The following CEP70 variants were observed in gnomAD, a reference collection of about 807,000 sequenced individuals.
CEP70 encodes centrosomal protein of 70 kDa.
A neutral mutation model predicts 90.9 loss-of-function variants in CEP70; 70 were observed. The ratio of observed to expected loss-of-function variants is 0.77; its 90% CI spans 0.64 to 0.94. The LOEUF is 0.94. CEP70 is among the 40% of genes least tolerant of loss of function. The pLI, the probability that CEP70 is intolerant of heterozygous loss-of-function variation, is 0.00. For synonymous variants in CEP70, 220 were observed against 228.3 expected, an observed-to-expected ratio of 0.96 and a Z score of 0.33; for missense variants, 648 against 669.0, an observed-to-expected ratio of 0.97 and a Z score of 0.35.
At position 138,522,109 on chromosome 3, in the gene CEP70, T is replaced by C. The variant is rs2036715430; in HGVS notation, c.944+3381A>G. Among the ~76,000 whole-genome samples, 5 of 152,062 alleles carry C rather than the reference T, an allele frequency of 3.3e-5. No individual in the cohort carries two copies. In the South Asian group the frequency reaches 1.0e-3, roughly 32 times the overall value. On this transcript the variant is annotated intron_variant, in intron 11 of 17. Transcript: ENST00000264982. Reference sequence around the variant, plus strand: ...CATGCTCCTTAAGAGTCATCACCACTTCCTAATTTCAAGTACCCATGGACG... The same window carrying C: ...CATGCTCCTTAAGAGTCATCACCACCTCCTAATTTCAAGTACCCATGGACG...
intron 3 of CEP70, among the ~76,000 whole-genome samples, chr3:138,572,217 ACT>A (rs1237721187): frequency 6.6e-6 from 1 of 152,186 alleles, no homozygotes; most frequent in African/African-American, 2.4e-5. Flanking sequence ...TGGATAACTG[ACT>A]CTAACAGAAT....
intron 2 of CEP70, among the ~76,000 whole-genome samples, chr3:138,590,038 A>G (rs1241835575): frequency 6.6e-6 from 1 of 152,138 alleles, no homozygotes; most frequent in Non-Finnish European, 1.5e-5. Context: ...AAAGCAGAAC[A>G]TGAAATGGCT....
chr3:138,543,928 AG>A (rs2038962402), intron 6 of CEP70, among the ~76,000 whole-genome samples: 1 of 152,224 alleles, frequency 6.6e-6, no homozygotes, highest in Non-Finnish European at 1.5e-5. Context: ...ATGGAGTAAA[AG>A]TGTAGAATGT....
chr3:138,580,284 G>A (rs1047564348), intron 2 of CEP70, among the ~76,000 whole-genome samples: 2 of 152,146 alleles, frequency 1.3e-5, no homozygotes, highest in African/African-American at 4.8e-5. Context: ...AGGGATGCCT[G>A]TGTCACCCCT....
intron 6 of CEP70, among the ~76,000 whole-genome samples, chr3:138,539,178 A>G (rs1273781238): frequency 6.6e-6 from 1 of 152,020 alleles, no homozygotes. Context: ...GCGTACCATC[A>G]CACCTGGATA....
chr3:138,515,173 AG>A (rs1246896084), intron 11 of CEP70, among the ~76,000 whole-genome samples: 1 of 152,172 alleles, frequency 6.6e-6, no homozygotes, highest in Non-Finnish European at 1.5e-5. Flanking sequence ...GAGGAAATAC[AG>A]GGTCAGGGTC....
intron 11 of CEP70, among the ~76,000 whole-genome samples, chr3:138,520,829 T>C (rs1374221600): frequency 6.6e-6 from 1 of 152,036 alleles, no homozygotes; most frequent in Non-Finnish European, 1.5e-5. Context: ...CTCGTCTCCG[T>C]CTCCCACTTG....
At chr3:138,517,075 A>G (rs1458802942) in intron 11 of CEP70, among the ~76,000 whole-genome samples, 1 of 152,244 alleles carries the variant, frequency 6.6e-6, no homozygotes, top group Non-Finnish European at 1.5e-5. Flanking sequence ...ACTTTAAAAC[A>G]TTCAGATCAT....
chr3:138,531,567 GAC>G (rs1339911549), intron 8 of CEP70: 3 of 152,232 alleles, frequency 2.0e-5, no homozygotes, highest in Middle Eastern at 3.4e-3. Context: ...CCATCTAAAC[GAC>G]AGTTTCATTT....
chr3:138,583,270 G>A (rs767554738), intron 2 of CEP70, among the ~76,000 whole-genome samples: 15 of 152,108 alleles, frequency 9.9e-5, no homozygotes, highest in Non-Finnish European at 2.1e-4. Context: ...TGTAACAATT[G>A]TAAATATTAT....
chr3:138,524,567 A>G (rs895633961), intron 11 of CEP70, among the ~76,000 whole-genome samples: 8 of 152,182 alleles, frequency 5.3e-5, no homozygotes, highest in African/African-American at 1.2e-4. Flanking sequence ...AATTTACAAG[A>G]AAAAAACCAA....
Position 138,518,405 on chromosome 3 carries a change from C to T in CEP70, c.944+7085G>A, listed in dbSNP as rs541635801. On this transcript the variant is annotated intron_variant, in intron 11 of 17. Coordinates refer to ENST00000264982, the MANE Select transcript of CEP70 (RefSeq NM_024491.4). The stretch of plus-strand genomic sequence containing the variant: ...CCTCCTCAAGTGGGTCCCTGACCCC[C>T]GAGTAGCCTAACTGGGAGGCACCTC... 2.9e-4 allele frequency among the ~76,000 whole-genome samples: 44 copies of T among 152,312 alleles called. 1 individual carries two copies. Among genetic ancestry groups the T allele is most frequent in the Middle Eastern group, 3.4e-3 (1 of 294 alleles).
intron 13 of CEP70, among the ~76,000 whole-genome samples, chr3:138,501,748 T>C (rs2034527568): frequency 2.0e-5 from 3 of 152,168 alleles, no homozygotes; most frequent in African/African-American, 7.2e-5. Context: ...CTACTGAAAG[T>C]TTAGAGCTCT....
At chr3:138,549,427 A>G (rs1360733699) in intron 6 of CEP70, among the ~76,000 whole-genome samples, 1 of 151,730 alleles carries the variant, frequency 6.6e-6, no homozygotes, top group Non-Finnish European at 1.5e-5. Flanking sequence ...GGTGAGGCCT[A>G]TAACTTCCTG....
chr3:138,562,364 C>T (rs1406058754), intron 6 of CEP70, among the ~76,000 whole-genome samples: 1 of 152,038 alleles, frequency 6.6e-6, no homozygotes, highest in African/African-American at 2.4e-5. Context: ...GAGAACACCA[C>T]AAAGATACTC....
intron 2 of CEP70, among the ~76,000 whole-genome samples, chr3:138,589,864 A>G (rs950035491): frequency 6.6e-6 from 1 of 152,242 alleles, no homozygotes; most frequent in African/African-American, 2.4e-5. Flanking sequence ...TGAAGTATAA[A>G]AAGAATAAAC....
At chr3:138,505,111 C>A (rs950597974) in intron 13 of CEP70, among the ~76,000 whole-genome samples, 184 bp downstream of exon 13, 1 of 151,976 alleles carries the variant, frequency 6.6e-6, no homozygotes, top group African/African-American at 2.4e-5. Context: ...ATAGACAGTA[C>A]CTAAAATAGA....
chr3:138,524,655 G>A (rs1296332493), intron 11 of CEP70, among the ~76,000 whole-genome samples: 37 of 150,310 alleles, frequency 2.5e-4, no homozygotes, highest in South Asian at 4.2e-4. Context: ...CAAAAGACAC[G>A]TGAAAAAATG....
chr3:138,593,865 T>G (rs546042952), intron 1 of CEP70: 1 of 152,342 alleles, frequency 6.6e-6, no homozygotes, highest in Admixed American at 6.5e-5. Context: ...CCCGACGTGA[T>G]TCTAAGCTTT....
Sources: gnomAD v4.1 joint callset for allele counts (sites outside exome capture counted in the v4.1 genomes callset) on GRCh38, gnomAD v4.1.1 for gene constraint, MANE v1.5 for transcripts, NCBI Gene and HGNC (gene_info 2026-07-23, HGNC 2026-07-21) for gene names.